Variants in LMLN observed in about 807,000 individuals in gnomAD.
LMLN encodes the protein leishmanolysin-like peptidase.
LMLN carries 70 observed loss-of-function variants against 92.3 expected under a neutral mutation model. The ratio of observed to expected loss-of-function variants is 0.76; its 90% CI spans 0.63 to 0.92. LMLN has a LOEUF of 0.92. LMLN is among the 40% of genes least tolerant of loss of function. The probability of loss-of-function intolerance (pLI) is 0.00; values close to 1 mark genes in which losing one functional copy is unlikely to be tolerated. For synonymous variants in LMLN, 308 were observed against 296.2 expected (o/e 1.04, Z -0.41); for missense variants, 691 against 814.6 (o/e 0.85, Z 1.85).
intron 5 of LMLN, among the ~76,000 whole-genome samples, chr3:197,978,412 G>T (rs1721464813): frequency 6.6e-6 from 1 of 152,142 alleles, no homozygotes; most frequent in South Asian, 2.1e-4. Flanking sequence ...AAGGCAGGCA[G>T]ATTGCTTGAC....
intron 7 of LMLN, among the ~76,000 whole-genome samples, chr3:197,985,038 T>C (rs1721664526): frequency 6.6e-6 from 1 of 152,192 alleles, no homozygotes; most frequent in Admixed American, 6.5e-5. Flanking sequence ...TAGTAATGAC[T>C]TGCCACTTCC....
At position 198,024,535 on chromosome 3, in the gene LMLN, A is replaced by T. The variant is rs147954662; in HGVS notation, c.1526-123A>T. ...CAGCCTACCCTAATTTTTTAAATTTAAAATTTCCATGAAACATGTCTGATT... is the reference window on the plus strand; with the variant it reads ...CAGCCTACCCTAATTTTTTAAATTTTAAATTTCCATGAAACATGTCTGATT... On this transcript the variant is annotated intron_variant, in intron 13 of 15. Transcript: ENST00000330198. 827 of 961,024 alleles carry T rather than the reference A, an allele frequency of 8.6e-4. 17 individuals are homozygous for T. The East Asian group carries it at 0.022, about 26-fold the overall frequency. The allele number at this position is 961,024 out of a possible 1,614,324, so 59.5% of individuals were successfully genotyped here.
intron 11 of LMLN, among the ~76,000 whole-genome samples, chr3:198,000,759 G>A (rs1012939036): frequency 6.6e-6 from 1 of 152,136 alleles, no homozygotes; most frequent in Non-Finnish European, 1.5e-5. Flanking sequence ...ACTTAAATGA[G>A]TAAATATCTG....
At chr3:197,960,314 G>T (rs368620704) in exon 1 of LMLN, 14 of 1,613,820 alleles carry the variant, frequency 8.7e-6, no homozygotes, top group Non-Finnish European at 1.2e-5. Flanking sequence ...GGTGGCGCTG[G>T]AGCGGGTCTG....
chr3:197,981,346 T>C (rs775513577), intron 6 of LMLN, among the ~76,000 whole-genome samples: 3 of 152,186 alleles, frequency 2.0e-5, no homozygotes, highest in Non-Finnish European at 4.4e-5. Flanking sequence ...CACTCCAGCC[T>C]GGACCACAGA....
rs1721534315 is a variant in LMLN at position 197,980,777 on chromosome 3, C to A, written c.728+273C>A. The A allele has an allele frequency of 1.3e-5, 4 of 302,518 alleles. No individual in the cohort carries two copies. The South Asian group carries it at 2.3e-4, about 17-fold the overall frequency. 18.7% of individuals were successfully genotyped at this position (302,518 alleles called of 1,614,324 possible). A position where few individuals can be genotyped will look rare whatever the true frequency, so the allele number is the denominator to read the frequency against. ...CCTGCCGTTCCTCTTCCATTTTGATCCTATCGTTTTTGCCTAAATTCCAAA... is the reference window on the plus strand; with the variant it reads ...CCTGCCGTTCCTCTTCCATTTTGATACTATCGTTTTTGCCTAAATTCCAAA... On this transcript the variant is annotated intron_variant, in intron 6 of 15. Coordinates refer to ENST00000330198, the Ensembl canonical transcript of LMLN.
At chr3:197,976,688 C>T (rs373096446) in exon 5 of LMLN, 26 of 1,555,384 alleles carry the variant, frequency 1.7e-5, no homozygotes, top group African/African-American at 2.7e-5. Context: ...AGTGCGGCCC[C>T]GTTATTGTTC....
At chr3:198,029,351 T>A (rs1326035031) in intron 14 of LMLN, among the ~76,000 whole-genome samples, 2 of 152,194 alleles carry the variant, frequency 1.3e-5, no homozygotes, top group Non-Finnish European at 2.9e-5. Flanking sequence ...ATGCAAATAG[T>A]TTGAAACAAA....
intron 11 of LMLN, among the ~76,000 whole-genome samples, chr3:198,011,809 C>A (rs188102617): frequency 2.0e-5 from 3 of 152,062 alleles, no homozygotes; most frequent in African/African-American, 7.3e-5. Flanking sequence ...TTTTAATGAT[C>A]GCCATTCTAA....
intron 11 of LMLN, among the ~76,000 whole-genome samples, chr3:198,015,922 G>C (rs769469985): frequency 6.6e-6 from 1 of 152,114 alleles, no homozygotes; most frequent in Non-Finnish European, 1.5e-5. Context: ...CTGGTGGGCC[G>C]GGTGTGGTGT....
chr3:198,003,070 G>A, intron 11 of LMLN: 2 of 1,551,526 alleles, frequency 1.3e-6, no homozygotes, highest in Non-Finnish European at 1.7e-6. Flanking sequence ...CCGAGGAATG[G>A]GCTGTGACTT....
chr3:197,984,117 AC>A, intron 7 of LMLN, 69 bp downstream of exon 7: 1 of 968,370 alleles, frequency 1.0e-6, no homozygotes, highest in Non-Finnish European at 1.7e-6. Flanking sequence ...TCATTTTTAT[AC>A]ATATATTCCA....
In LMLN at chr3:197,976,018, C is replaced by A. The variant is rs1368284695; in HGVS notation, c.349-11C>A. The A allele has an allele frequency of 3.4e-6, 5 of 1,454,000 alleles. No individual in the cohort carries two copies. The highest frequency in any genetic ancestry group is 4.7e-6 in the Non-Finnish European group (5 of 1,064,514). The allele number at this position is 1,454,000 out of a possible 1,614,324, so 90.1% of individuals were successfully genotyped here. ...TAATTCTGTTTCTTTTTTTTTTTAA[C>A]TTTTATTTAGAACAAGCTTTTCCCA... On this transcript the variant is annotated splice_polypyrimidine_tract_variant and intron_variant, in intron 3 of 15. Transcript: ENST00000330198.
chr3:198,032,389 TC>T (rs1338496046), intron 14 of LMLN, among the ~76,000 whole-genome samples: 1 of 152,198 alleles, frequency 6.6e-6, no homozygotes, highest in African/African-American at 2.4e-5. Flanking sequence ...TACTTAGTTT[TC>T]CCCAGAACAG....
intron 6 of LMLN, among the ~76,000 whole-genome samples, chr3:197,983,092 T>C (rs61199654): frequency 1.5e-3 from 231 of 152,388 alleles, no homozygotes; most frequent in African/African-American, 5.1e-3. Flanking sequence ...AAGAATTGTA[T>C]TCATACTTTT....
At chr3:198,013,987 T>C (rs375574541) in intron 11 of LMLN, among the ~76,000 whole-genome samples, 4,166 of 34,790 alleles carry the variant, frequency 0.12, 2 homozygotes, top group Middle Eastern at 0.21. Flanking sequence ...CTCCACCCTT[T>C]AGAGCCCCCT....
chr3:197,974,296 T>C, intron 1 of LMLN, 81 bp from the exon 2 acceptor site: 1 of 714,566 alleles, frequency 1.4e-6, no homozygotes, highest in Non-Finnish European at 2.4e-6. Flanking sequence ...ACTTGAAATT[T>C]AGTTCATTAA....
rs1723447277 is a variant in LMLN at position 198,042,931 on chromosome 3, C to T, written c.*4264C>T. The T allele has an allele frequency of 2.0e-5, 3 of 152,106 alleles. No individual in the cohort carries two copies. The highest frequency in any genetic ancestry group is 2.4e-5 in the African/African-American group (1 of 41,416). The allele number at this position is 152,106 out of a possible 1,614,324, so 9.4% of individuals were successfully genotyped here. A position where few individuals can be genotyped will look rare whatever the true frequency, so the allele number is the denominator to read the frequency against. On this transcript the variant is annotated 3_prime_UTR_variant, in exon 16 of 16. Transcript: ENST00000330198. The surrounding 1 kb of genome is among the most constrained non-coding windows in gnomAD (Gnocchi z 4.2). The stretch of plus-strand genomic sequence containing the variant: ...TCCTTTTATTTCTTAAAACCAGTAA[C>T]CCTTACATTTTTCCTATAGGATAGT...
chr3:197,988,723 C>T (rs1264453845), intron 8 of LMLN, among the ~76,000 whole-genome samples: 1 of 151,692 alleles, frequency 6.6e-6, no homozygotes, highest in East Asian at 1.9e-4. Context: ...ACTCTGTTAC[C>T]CAGGCTGGAG....
Sources: allele counts gnomAD v4.1 joint callset (sites outside exome capture counted in the v4.1 genomes callset), GRCh38; gene constraint gnomAD v4.1.1; non-coding constraint Gnocchi (gnomAD v3.1); transcripts MANE v1.5; gene names NCBI Gene and HGNC (gene_info 2026-07-23, HGNC 2026-07-21).